ZYG11B: variants seen among roughly 807,000 people sequenced by gnomAD.
ZYG11B encodes the protein protein zyg-11 homolog B.
ZYG11B carries 36 observed loss-of-function variants against 82.4 expected under a neutral mutation model. That is an observed-to-expected ratio of 0.44 (90% CI 0.33 to 0.58). ZYG11B has a LOEUF of 0.58. Ranked by LOEUF, ZYG11B falls within the 20% of genes least tolerant of loss-of-function variation. ZYG11B has a pLI of 0.02. For synonymous variants in ZYG11B, 303 were observed against 312.8 expected, an observed-to-expected ratio of 0.97 and a Z score of 0.33; for missense variants, 552 against 895.6, an observed-to-expected ratio of 0.62 and a Z score of 4.90.
chr1:52,817,838 T>G (rs1192101245), intron 13 of ZYG11B, among the ~76,000 whole-genome samples: 1 of 30,856 alleles, frequency 3.2e-5, no homozygotes, highest in Non-Finnish European at 6.3e-5. Context: ...TTTTTTTTTT[T>G]TTTTTTTTTT....
chr1:52,735,000 A>AT (rs535190916), intron 1 of ZYG11B, among the ~76,000 whole-genome samples: 50 of 149,880 alleles, frequency 3.3e-4, no homozygotes, highest in African/African-American at 1.2e-3. Context: ...AAGTTTTGGG[A>AT]TTACAGGTAT....
At chr1:52,816,698 T>C (rs1312681855) in intron 13 of ZYG11B, 69 bp downstream of exon 13, 1 of 1,210,734 alleles carries the variant, frequency 8.3e-7, no homozygotes, top group African/African-American at 1.5e-5. Flanking sequence ...AGGAAAGATA[T>C]TTCTAAATTG....
At chr1:52,738,598 T>C (rs996119116) in intron 1 of ZYG11B, among the ~76,000 whole-genome samples, 1 of 150,354 alleles carries the variant, frequency 6.7e-6, no homozygotes, top group Non-Finnish European at 1.5e-5. Context: ...ATTTTTCTTT[T>C]CTAAGGACTT....
At chr1:52,776,759 T>G (rs1352770392) in intron 3 of ZYG11B, among the ~76,000 whole-genome samples, 1 of 152,180 alleles carries the variant, frequency 6.6e-6, no homozygotes, top group Non-Finnish European at 1.5e-5. Context: ...TTTTGTTTTT[T>G]TCTGAATTTA....
Position 52,771,420 on chromosome 1 carries a change from A to G in ZYG11B, c.597A>G (p.Thr199=), listed in dbSNP as rs763575649. The G allele has an allele frequency of 1.7e-5, 27 of 1,614,008 alleles. No homozygotes were observed. In the East Asian group the frequency reaches 5.3e-4, roughly 32 times the overall value. ...ESLDISNTSI[T]DITALLACKD... ...TGGATATTTCTAACACCTCAATCAC[A>G]GACATCACTGCTCTACTGGCCTGCA... is the stretch of plus-strand genomic sequence containing the variant. The change falls in exon 3 of 14, where the codon ACA becomes ACG. Residue 199 remains threonine (T), a synonymous_variant. Coordinates refer to ENST00000294353, the MANE Select transcript of ZYG11B (RefSeq NM_024646.3). This position sits in a 1 kb window ranked among gnomAD's most constrained non-coding sequence, Gnocchi z 5.4.
chr1:52,746,035 A>G (rs1027282427), intron 1 of ZYG11B, among the ~76,000 whole-genome samples: 4 of 149,974 alleles, frequency 2.7e-5, no homozygotes, highest in Admixed American at 6.7e-5. Context: ...ATCTCGGCTC[A>G]CTGCAACCTC....
At chr1:52,760,503 G>A (rs903527186) in intron 2 of ZYG11B, among the ~76,000 whole-genome samples, 5 of 152,102 alleles carry the variant, frequency 3.3e-5, no homozygotes, top group Non-Finnish European at 4.4e-5. Context: ...GTTTCTAATA[G>A]CATATTGATT....
chr1:52,727,381 G>A (rs1002280955), intron 1 of ZYG11B, among the ~76,000 whole-genome samples: 1 of 152,158 alleles, frequency 6.6e-6, no homozygotes, highest in African/African-American at 2.4e-5. Context: ...TTCACCTAGT[G>A]TCATTGCAAA....
At chr1:52,750,505 TCAG>T (rs1485364105) in intron 1 of ZYG11B, among the ~76,000 whole-genome samples, 1 of 152,188 alleles carries the variant, frequency 6.6e-6, no homozygotes, top group Non-Finnish European at 1.5e-5. Flanking sequence ...ACTCCTGACC[TCAG>T]GTGATCTGCC....
intron 10 of ZYG11B, among the ~76,000 whole-genome samples, chr1:52,812,078 C>A (rs1024742094): frequency 2.6e-5 from 4 of 151,800 alleles, no homozygotes; most frequent in Non-Finnish European, 5.9e-5. Context: ...CATTTTCTCC[C>A]TTCATGTTTA....
At chr1:52,766,916 G>C (rs1302671485) in intron 2 of ZYG11B, among the ~76,000 whole-genome samples, 1 of 151,964 alleles carries the variant, frequency 6.6e-6, no homozygotes, top group Non-Finnish European at 1.5e-5. Context: ...GCTGAGGCGG[G>C]AGAATGGTGT....
intron 10 of ZYG11B, among the ~76,000 whole-genome samples, chr1:52,809,616 C>T (rs1645167100): frequency 6.6e-6 from 1 of 152,182 alleles, no homozygotes; most frequent in Non-Finnish European, 1.5e-5. Context: ...AACAGCTCTA[C>T]TGTTTTACAT....
At position 52,817,785 on chromosome 1, in the gene ZYG11B, A is replaced by ATATATATATG. The variant is rs1571803833; in HGVS notation, c.2044+1165_2044+1166insGTATATATAT. Reference sequence around the variant, plus strand: ...AGTGTGTATATATATGTGTATATATATATATATATATATATATATATATAT... The same window carrying ATATATATATG: ...AGTGTGTATATATATGTGTATATATATATATATATGTATATATATATATATATATATATAT... On this transcript the variant is annotated intron_variant, in intron 13 of 13. Coordinates refer to ENST00000294353, the MANE Select transcript of ZYG11B (RefSeq NM_024646.3). Among the ~76,000 whole-genome samples the ATATATATATG allele has an allele frequency of 1.2e-4, 3 of 25,476 alleles. 1 individual carries two copies. In the East Asian group the frequency reaches 3.4e-3, roughly 29 times the overall value. The allele number at this position is 25,476 out of a possible 152,430, so 16.7% of individuals were successfully genotyped here. A position where few individuals can be genotyped will look rare whatever the true frequency, so the allele number is the denominator to read the frequency against.
At chr1:52,729,396 T>G (rs537242146) in intron 1 of ZYG11B, among the ~76,000 whole-genome samples, 3 of 152,316 alleles carry the variant, frequency 2.0e-5, no homozygotes, top group African/African-American at 4.8e-5. Flanking sequence ...TGATTTTTCC[T>G]TGCTTGTTAA....
At chr1:52,764,145 G>A (rs2149934128) in intron 2 of ZYG11B, among the ~76,000 whole-genome samples, 1 of 151,228 alleles carries the variant, frequency 6.6e-6, no homozygotes, top group South Asian at 2.1e-4. Context: ...TTATTTTTGA[G>A]ATGGAGTCTT....
intron 1 of ZYG11B, among the ~76,000 whole-genome samples, chr1:52,739,785 T>C (rs1644409397): frequency 6.6e-6 from 1 of 151,872 alleles, no homozygotes; most frequent in African/African-American, 2.4e-5. Context: ...TTTATATTTT[T>C]AGTAGAGATG....
intron 2 of ZYG11B, among the ~76,000 whole-genome samples, chr1:52,770,089 TA>T (rs1306466105): frequency 0.027 from 1,812 of 67,886 alleles, 59 homozygotes; most frequent in African/African-American, 0.083. Flanking sequence ...TATATATATA[TA>T]TATTTTTTTT....
chr1:52,793,868 T>TTCCCTCCTTCCTTCCTTCC, intron 6 of ZYG11B, among the ~76,000 whole-genome samples: 1 of 95,496 alleles, frequency 1.0e-5, no homozygotes, highest in African/African-American at 4.2e-5. Context: ...CTTTTCTTTC[T>TTCCCTCCTTCCTTCCTTCC]TTCCTTCCTT....
At chr1:52,755,108 C>G (rs1381010269) in intron 1 of ZYG11B, among the ~76,000 whole-genome samples, 1 of 151,618 alleles carries the variant, frequency 6.6e-6, no homozygotes, top group Non-Finnish European at 1.5e-5. Context: ...CTACAGGCGC[C>G]CGCCACCATG....
Sources: gnomAD v4.1 joint callset for allele counts (sites outside exome capture counted in the v4.1 genomes callset) on GRCh38, gnomAD v4.1.1 for gene constraint, Gnocchi (gnomAD v3.1) non-coding constraint, MANE v1.5 for transcripts, NCBI Gene and HGNC (gene_info 2026-07-23, HGNC 2026-07-21) for gene names.